The following ZNF221 variants were observed in gnomAD, a reference collection of about 807,000 sequenced individuals.
ZNF221 encodes the protein zinc finger protein 221.
A neutral mutation model predicts 12.6 loss-of-function variants in ZNF221; 10 were observed. The ratio of observed to expected loss-of-function variants is 0.79; its 90% CI spans 0.49 to 1.34. The LOEUF (loss-of-function observed/expected upper bound fraction) is 1.34. Ranked by LOEUF, ZNF221 falls within the 40% of genes most tolerant of loss-of-function variation. The probability of loss-of-function intolerance (pLI) is 0.00; values close to 1 mark genes in which losing one functional copy is unlikely to be tolerated. For missense variants in ZNF221, 661 were observed against 721.4 expected (o/e 0.92, Z 0.96); for synonymous variants, 232 against 244.0 (o/e 0.95, Z 0.46).
At chr19:43,959,602 T>C (rs74506955) in intron 1 of ZNF221, among the ~76,000 whole-genome samples, 1 of 152,084 alleles carries the variant, frequency 6.6e-6, no homozygotes, top group Non-Finnish European at 1.5e-5. Context: ...TTAAAAGAAT[T>C]TGGGTCCTCC....
At position 43,960,938 on chromosome 19, in the gene ZNF221, C is replaced by T. The variant is rs866552020; in HGVS notation, c.-2-1787C>T. 9.2e-5 allele frequency among the ~76,000 whole-genome samples: 14 copies of T among 152,310 alleles called. No homozygotes were observed. In the Middle Eastern group the frequency reaches 0.017, roughly 185 times the overall value. On this transcript the variant is annotated intron_variant, in intron 1 of 4. Coordinates refer to ENST00000587682, the MANE Select transcript of ZNF221 (RefSeq NM_001297588.2). ...AGTGCCAAGGAGAAATGTGAGGGCT[C>T]CCCACAGAGTCCCCACTAGGGCACT...
Position 43,960,612 on chromosome 19 carries a change from A to G in ZNF221, c.-2-2113A>G, listed in dbSNP as rs1974827491. Among the ~76,000 whole-genome samples the G allele has an allele frequency of 2.6e-5, 4 of 152,342 alleles. No individual in the cohort carries two copies. The South Asian group carries it at 8.3e-4, about 32-fold the overall frequency. Reference sequence around the variant, plus strand: ...GGAGAAAAGAATGGTTCCAAGGGCCAGGCCCAGGGACCCCCTGCCCTGAGC... The same window carrying G: ...GGAGAAAAGAATGGTTCCAAGGGCCGGGCCCAGGGACCCCCTGCCCTGAGC... On this transcript the variant is annotated intron_variant, in intron 1 of 4. Coordinates refer to ENST00000587682, the MANE Select transcript of ZNF221 (RefSeq NM_001297588.2).
chr19:43,981,163 T>C, the ZNF221 span, among the ~76,000 whole-genome samples: 1 of 151,958 alleles, frequency 6.6e-6, no homozygotes. Context: ...AAAAATAATA[T>C]TGACACAGGA....
the ZNF221 span, among the ~76,000 whole-genome samples, chr19:43,978,994 T>C: frequency 6.6e-6 from 1 of 151,650 alleles, no homozygotes; most frequent in African/African-American, 2.4e-5. Context: ...ATAGATTTGT[T>C]GTTGTTTTTA....
intron 1 of ZNF221, among the ~76,000 whole-genome samples, chr19:43,955,215 C>T (rs993673490): frequency 1.3e-5 from 2 of 152,042 alleles, no homozygotes; most frequent in Admixed American, 6.6e-5. Flanking sequence ...TCTGTAGCCT[C>T]CCAGGGCTAC....
At chr19:43,977,957 G>A in the ZNF221 span, among the ~76,000 whole-genome samples, 354 of 152,222 alleles carry the variant, frequency 2.3e-3, 2 homozygotes, top group African/African-American at 7.9e-3. Flanking sequence ...TCTGTAAAGG[G>A]AAATGGCTCA....
At chr19:43,975,060 A>G in the ZNF221 span, among the ~76,000 whole-genome samples, 8 of 152,004 alleles carry the variant, frequency 5.3e-5, no homozygotes, top group Non-Finnish European at 1.2e-4. Context: ...TTGTTGGTGA[A>G]GTTGGGGAGA....
chr19:43,978,923 G>A, the ZNF221 span, among the ~76,000 whole-genome samples: 2 of 109,998 alleles, frequency 1.8e-5, no homozygotes, highest in African/African-American at 4.0e-5. Context: ...CACAACATTT[G>A]TGTGTGTGTG....
chr19:43,965,338 T>A lies in ZNF221; in HGVS notation c.301+13T>A. The stretch of plus-strand genomic sequence containing the variant: ...GAAGGGAATTCAGGTAAGAACCAAG[T>A]AACTGTGCATCCTTGTACATGACTC... On this transcript the variant is annotated intron_variant, in intron 4 of 4. Transcript: ENST00000587682. 6.2e-7 allele frequency: 1 copy of A among 1,601,032 alleles called. No homozygotes were observed. Among genetic ancestry groups the A allele is most frequent in the Non-Finnish European group, 8.5e-7 (1 of 1,171,160 alleles).
chr19:43,978,282 T>G, the ZNF221 span: 1 of 152,192 alleles, frequency 6.6e-6, no homozygotes, highest in Non-Finnish European at 1.5e-5. Context: ...CCATGTTCCT[T>G]GACTCCAGCC....
At chr19:43,955,640 T>C (rs76402324) in intron 1 of ZNF221, among the ~76,000 whole-genome samples, 5,432 of 152,278 alleles carry the variant, frequency 0.036, 375 homozygotes, top group East Asian at 0.26. Context: ...CCACTGCCCA[T>C]GAGTCAGTAA....
chr19:43,967,283 T>C lies in ZNF221; in HGVS notation c.1781T>C (p.Val594Ala), dbSNP rs373801882. ...HSGEKPLKSG[V>A]WEEIYSEFTA... ...GGAGAAAAGCCATTGAAATCTGGAGTGTGGGAAGAGATCTACTCAGAATTC... is the reference window on the plus strand; with the variant it reads ...GGAGAAAAGCCATTGAAATCTGGAGCGTGGGAAGAGATCTACTCAGAATTC... Residue 594 changes from valine to alanine, a missense_variant, in exon 5 of 5, where the codon GTG (valine) becomes GCG (alanine). Coordinates refer to ENST00000587682, the MANE Select transcript of ZNF221 (RefSeq NM_001297588.2). 4 of 1,612,238 alleles carry C rather than the reference T, an allele frequency of 2.5e-6. No homozygotes were observed. The highest frequency in any genetic ancestry group is 2.7e-5 in the African/African-American group (2 of 74,270).
chr19:43,959,585 T>C (rs1458490099), intron 1 of ZNF221, among the ~76,000 whole-genome samples: 1 of 152,178 alleles, frequency 6.6e-6, no homozygotes, highest in African/African-American at 2.4e-5. Context: ...ATGTGAGATC[T>C]GGTTGTTTAA....
At chr19:43,978,936 T>C in the ZNF221 span, among the ~76,000 whole-genome samples, 2 of 119,564 alleles carry the variant, frequency 1.7e-5, no homozygotes, top group East Asian at 2.3e-4. Context: ...TGTGTGTGTT[T>C]TTTTTTTTTT....
chr19:43,953,027 C>CA (rs1974699154), intron 1 of ZNF221, among the ~76,000 whole-genome samples: 1 of 152,076 alleles, frequency 6.6e-6, no homozygotes, highest in Non-Finnish European at 1.5e-5. Context: ...AGTGCAGTGG[C>CA]ATGACCTCAG....
intron 1 of ZNF221, among the ~76,000 whole-genome samples, chr19:43,959,839 A>G (rs1392695337): frequency 6.6e-6 from 1 of 152,174 alleles, no homozygotes; most frequent in Non-Finnish European, 1.5e-5. Context: ...TAATACAGAA[A>G]ATTGGTACTG....
the ZNF221 span, among the ~76,000 whole-genome samples, chr19:43,973,086 C>T: frequency 0.77 from 117,857 of 152,132 alleles, 46,744 homozygotes; most frequent in Middle Eastern, 0.89. Context: ...CAGGATGCAA[C>T]GTTGGTTCAA....
At chr19:43,975,821 T>C in the ZNF221 span, among the ~76,000 whole-genome samples, 5 of 152,206 alleles carry the variant, frequency 3.3e-5, no homozygotes, top group Non-Finnish European at 2.9e-5. Flanking sequence ...ATTTTGATTA[T>C]TATCTTATTC....
At chr19:43,959,770 T>G (rs1237850603) in intron 1 of ZNF221, among the ~76,000 whole-genome samples, 1 of 152,178 alleles carries the variant, frequency 6.6e-6, no homozygotes, top group Non-Finnish European at 1.5e-5. Flanking sequence ...CAGTGAAACC[T>G]CTTTTCTTTA....
Sources: allele counts gnomAD v4.1 joint callset (sites outside exome capture counted in the v4.1 genomes callset), GRCh38; gene constraint gnomAD v4.1.1; transcripts MANE v1.5; gene names NCBI Gene and HGNC (gene_info 2026-07-23, HGNC 2026-07-21).